Variants in TRABD2B observed in about 807,000 individuals in gnomAD.
The protein encoded by TRABD2B is TraB domain containing 2B.
TRABD2B carries 14 observed loss-of-function variants against 40.1 expected under a neutral mutation model. That is an observed-to-expected ratio of 0.35 (90% CI 0.23 to 0.55). TRABD2B has a LOEUF of 0.55. TRABD2B is among the 20% of genes least tolerant of loss of function. The pLI is 0.90. For missense variants in TRABD2B, 541 were observed against 648.6 expected (o/e 0.83, Z 1.80); for synonymous variants, 263 against 277.0 (o/e 0.95, Z 0.50).
At chr1:47,836,947 T>C (rs559609549) in intron 2 of TRABD2B, among the ~76,000 whole-genome samples, 5 of 152,342 alleles carry the variant, frequency 3.3e-5, no homozygotes, top group African/African-American at 4.8e-5. Flanking sequence ...AGCCACCCAG[T>C]CTATGGCATT....
chr1:47,809,478 G>A (rs1440453953), intron 2 of TRABD2B, among the ~76,000 whole-genome samples: 2 of 152,208 alleles, frequency 1.3e-5, no homozygotes, highest in Non-Finnish European at 2.9e-5. Flanking sequence ...AGAGCTGGGA[G>A]GAGCTGCGCC....
chr1:47,769,750 A>G (rs1165541767), intron 6 of TRABD2B, among the ~76,000 whole-genome samples: 1 of 152,262 alleles, frequency 6.6e-6, no homozygotes, highest in Non-Finnish European at 1.5e-5. Context: ...AGGGACCCCA[A>G]AGTGGGGAAG....
intron 2 of TRABD2B, among the ~76,000 whole-genome samples, chr1:47,838,998 A>G (rs976624184): frequency 6.6e-6 from 1 of 152,116 alleles, no homozygotes; most frequent in African/African-American, 2.4e-5. Context: ...ATGTGGCGGG[A>G]GGGCACTGGG....
intron 2 of TRABD2B, among the ~76,000 whole-genome samples, chr1:47,922,346 G>A (rs1292318037): frequency 6.6e-6 from 1 of 152,220 alleles, no homozygotes; most frequent in Non-Finnish European, 1.5e-5. Context: ...CAGGGTCAGG[G>A]CCTGGTCAGA....
At chr1:47,852,206 A>G (rs1645559015) in intron 2 of TRABD2B, among the ~76,000 whole-genome samples, 2 of 152,090 alleles carry the variant, frequency 1.3e-5, no homozygotes, top group South Asian at 4.2e-4. Context: ...AGCTGGGCCC[A>G]GACTGCGGCC....
At chr1:47,877,433 TCCTCCCTTACTTCCCTC>T (rs746777338) in intron 2 of TRABD2B, among the ~76,000 whole-genome samples, 44 of 152,230 alleles carry the variant, frequency 2.9e-4, no homozygotes, top group Admixed American at 5.2e-4. Context: ...TACATCCGTG[TCCTCCCTTACTTCCCTC>T]CCTCCCTCTT....
intron 2 of TRABD2B, among the ~76,000 whole-genome samples, chr1:47,894,495 A>G (rs1324950400): frequency 6.6e-6 from 1 of 152,224 alleles, no homozygotes; most frequent in East Asian, 1.9e-4. Flanking sequence ...AAGCACCTTG[A>G]CAAGGAGCTA....
chr1:47,842,509 C>G (rs960768265), intron 2 of TRABD2B, among the ~76,000 whole-genome samples: 2 of 152,152 alleles, frequency 1.3e-5, no homozygotes, highest in African/African-American at 4.8e-5. Flanking sequence ...GCACCAGCCT[C>G]GGTGGAAAGC....
At chr1:47,976,692 T>C (rs183233389) in intron 2 of TRABD2B, among the ~76,000 whole-genome samples, 13 of 152,248 alleles carry the variant, frequency 8.5e-5, no homozygotes, top group Admixed American at 5.2e-4. Flanking sequence ...GAAAACATCT[T>C]TGAGCACCTG....
At chr1:47,978,279 A>G (rs1226195564) in intron 2 of TRABD2B, among the ~76,000 whole-genome samples, 1 of 152,212 alleles carries the variant, frequency 6.6e-6, no homozygotes, top group African/African-American at 2.4e-5. Context: ...CACTGAATCT[A>G]CTAGTGTCTT....
At chr1:47,888,038 C>T (rs1384430491) in intron 2 of TRABD2B, among the ~76,000 whole-genome samples, 1 of 152,180 alleles carries the variant, frequency 6.6e-6, no homozygotes, top group African/African-American at 2.4e-5. Context: ...CCCTTTCTTT[C>T]CCCCCATAAT....
chr1:47,968,750 A>G (rs1645639049), intron 2 of TRABD2B, among the ~76,000 whole-genome samples: 1 of 152,202 alleles, frequency 6.6e-6, no homozygotes, highest in African/African-American at 2.4e-5. Context: ...CTATTTCCAC[A>G]GCACACATTA....
rs111308958 is a variant in TRABD2B at position 47,986,522 on chromosome 1, GA to G, written c.666+7511del. 1.6e-3 allele frequency among the ~76,000 whole-genome samples: 247 copies of G among 152,308 alleles called. 1 individual carries two copies. The highest frequency in any genetic ancestry group is 5.7e-3 in the African/African-American group (235 of 41,576). ...TAAACAAAATATATAAGTGCTGAAAGAATGTCGTAAAATGCCATAAATAATT... is the reference window on the plus strand; with the variant it reads ...TAAACAAAATATATAAGTGCTGAAAGATGTCGTAAAATGCCATAAATAATT... On this transcript the variant is annotated intron_variant, in intron 2 of 6. Coordinates refer to ENST00000606738, the MANE Select transcript of TRABD2B (RefSeq NM_001194986.2).
intron 2 of TRABD2B, among the ~76,000 whole-genome samples, chr1:47,879,187 T>C (rs1412544951): frequency 1.3e-5 from 2 of 152,116 alleles, no homozygotes; most frequent in Admixed American, 1.3e-4. Context: ...TATTCACCAG[T>C]ATATGGCCTA....
In TRABD2B at chr1:47,834,429, G is replaced by A. The variant is rs139660054; in HGVS notation, c.667-32810C>T. On this transcript the variant is annotated intron_variant, in intron 2 of 6. Transcript: ENST00000606738. Reference sequence around the variant, plus strand: ...GCATAGGGCTGTGTAAATGCCCAGAGCTATGTACATGCTCAGGAAAGACCT... The same window carrying A: ...GCATAGGGCTGTGTAAATGCCCAGAACTATGTACATGCTCAGGAAAGACCT... Among the ~76,000 whole-genome samples, 786 of 152,280 alleles carry A rather than the reference G, an allele frequency of 5.2e-3. 3 individuals are homozygous for A. Among genetic ancestry groups the A allele is most frequent in the Non-Finnish European group, 7.7e-3 (525 of 68,024 alleles).
At chr1:47,834,598 C>CATAT (rs1306012934) in intron 2 of TRABD2B, among the ~76,000 whole-genome samples, 3 of 152,100 alleles carry the variant, frequency 2.0e-5, no homozygotes, top group Non-Finnish European at 4.4e-5. Flanking sequence ...CACACACACA[C>CATAT]ACACAGAGCC....
chr1:47,944,569 G>T (rs1243934735), intron 2 of TRABD2B, among the ~76,000 whole-genome samples: 4 of 152,182 alleles, frequency 2.6e-5, no homozygotes, highest in Admixed American at 2.0e-4. Flanking sequence ...GAGGAAGGAA[G>T]AAGGATCAGG....
At chr1:47,768,254 G>A (rs975326142) in intron 6 of TRABD2B, among the ~76,000 whole-genome samples, 2 of 152,194 alleles carry the variant, frequency 1.3e-5, no homozygotes, top group African/African-American at 4.8e-5. Flanking sequence ...ACTATCAGGA[G>A]GGGAGGGAGC....
intron 2 of TRABD2B, among the ~76,000 whole-genome samples, chr1:47,807,341 C>T (rs2124322601): frequency 6.6e-6 from 1 of 152,318 alleles, no homozygotes; most frequent in South Asian, 2.1e-4. Context: ...CCTTTTAGGG[C>T]ATCTCTTAGT....
Sources: gnomAD v4.1 joint callset for allele counts (sites outside exome capture counted in the v4.1 genomes callset) on GRCh38, gnomAD v4.1.1 for gene constraint, MANE v1.5 for transcripts, NCBI Gene and HGNC (gene_info 2026-07-23, HGNC 2026-07-21) for gene names.